Variants in IL1RAPL1 observed in about 807,000 individuals in gnomAD.
IL1RAPL1 encodes interleukin-1 receptor accessory protein-like 1.
Under a neutral mutation model 48.4 loss-of-function variants are expected in IL1RAPL1, and 3 were observed. That is an observed-to-expected ratio of 0.06 (90% CI 0.03 to 0.16). IL1RAPL1 has a LOEUF of 0.16. Among genes scored for constraint, IL1RAPL1 ranks in the 10% least tolerant of loss-of-function variants. IL1RAPL1 has a pLI of 1.00. For synonymous variants in IL1RAPL1, 185 were observed against 187.7 expected (o/e 0.99, Z 0.12); for missense variants, 349 against 530.6 (o/e 0.66, Z 3.36).
At chrX:28,605,995 T>A (rs1382548983) in intron 1 of IL1RAPL1, among the ~76,000 whole-genome samples, 1 of 111,077 alleles carries the variant, frequency 9.0e-6, no homozygotes, top group Non-Finnish European at 1.9e-5. Flanking sequence ...CCTCTAAAAT[T>A]TCAATACACT....
intron 2 of IL1RAPL1, among the ~76,000 whole-genome samples, chrX:28,972,802 G>A (rs1232340453): frequency 2.7e-5 from 3 of 111,008 alleles, no homozygotes; most frequent in East Asian, 2.8e-4. Context: ...TGCAGAGTTC[G>A]GGCATTTTCC....
intron 2 of IL1RAPL1, among the ~76,000 whole-genome samples, chrX:28,839,162 T>C (rs1327890384): frequency 9.0e-6 from 1 of 111,672 alleles, no homozygotes; most frequent in Non-Finnish European, 1.9e-5. Flanking sequence ...TTTAAAACGA[T>C]GAAACAGTGC....
intron 2 of IL1RAPL1, among the ~76,000 whole-genome samples, chrX:28,934,481 T>C (rs1288554079): frequency 9.0e-6 from 1 of 111,305 alleles, no homozygotes; most frequent in Non-Finnish European, 1.9e-5. Flanking sequence ...AATTTTACAA[T>C]ATTTTCATCA....
At chrX:29,575,288 A>C in intron 5 of IL1RAPL1, among the ~76,000 whole-genome samples, 1 of 111,942 alleles carries the variant, frequency 8.9e-6, no homozygotes. Context: ...CATGAACCCA[A>C]GTCAAAGTCC....
chrX:29,080,970 T>C (rs867621890), intron 2 of IL1RAPL1, among the ~76,000 whole-genome samples: 3 of 43,258 alleles, frequency 6.9e-5, no homozygotes, highest in East Asian at 1.0e-3. Context: ...CTTTCTTTCT[T>C]TCTTTCTTTC....
chrX:29,109,826 G>A (rs1321502079), intron 2 of IL1RAPL1, among the ~76,000 whole-genome samples: 1 of 111,842 alleles, frequency 8.9e-6, no homozygotes, highest in Non-Finnish European at 1.9e-5. Flanking sequence ...ACTGGCTTGG[G>A]GAAAACTGCA....
intron 3 of IL1RAPL1, among the ~76,000 whole-genome samples, chrX:29,342,035 C>T (rs1263915942): frequency 9.1e-6 from 1 of 109,907 alleles, no homozygotes; most frequent in Non-Finnish European, 1.9e-5. Context: ...TCTTGAACTC[C>T]TGACCTCGTG....
At chrX:29,618,479 A>G (rs935138730) in intron 5 of IL1RAPL1, among the ~76,000 whole-genome samples, 4 of 111,777 alleles carry the variant, frequency 3.6e-5, no homozygotes, top group African/African-American at 1.3e-4. Context: ...ACTGGTCTAA[A>G]ATCAGGTGTC....
chrX:28,895,808 G>A (rs998173325), intron 2 of IL1RAPL1, among the ~76,000 whole-genome samples: 9 of 111,688 alleles, frequency 8.1e-5, no homozygotes, highest in Admixed American at 4.7e-4. Context: ...CAGAGCGTCT[G>A]TGATGGTCCT....
In IL1RAPL1 at chrX:29,402,417, C is replaced by G. The variant is rs534106720; in HGVS notation, c.703+3109C>G. Among the ~76,000 whole-genome samples, 89 of 111,950 alleles carry G rather than the reference C, an allele frequency of 7.9e-4. 2 individuals carry two copies. The South Asian group carries it at 0.032, about 41-fold the overall frequency. On this transcript the variant is annotated intron_variant, in intron 5 of 10. Coordinates refer to ENST00000378993, the MANE Select transcript of IL1RAPL1 (RefSeq NM_014271.4). The stretch of plus-strand genomic sequence containing the variant: ...GCAGCACTTACCTCATTGCATCAAA[C>G]TATTTAATGACACTCCTGTATTTTC...
chrX:29,593,812 A>G (rs773549209), intron 5 of IL1RAPL1, among the ~76,000 whole-genome samples: 1 of 112,199 alleles, frequency 8.9e-6, no homozygotes, highest in African/African-American at 3.2e-5. Context: ...GAGATGCCCA[A>G]TGTATTCGCT....
In IL1RAPL1 at chrX:29,574,089, C is replaced by G. The variant is rs1184018684; in HGVS notation, c.704-94341C>G. On this transcript the variant is annotated intron_variant, in intron 5 of 10. Transcript: ENST00000378993. Reference sequence around the variant, plus strand: ...TTGTCTCATGGTTCCACAGACTGTACAGGAAACATGGCTGGGGAGGCCTCA... The same window carrying G: ...TTGTCTCATGGTTCCACAGACTGTAGAGGAAACATGGCTGGGGAGGCCTCA... Among the ~76,000 whole-genome samples, 3 of 109,949 alleles carry G rather than the reference C, an allele frequency of 2.7e-5. No individual in the cohort carries two copies. In the East Asian group the frequency reaches 8.7e-4, roughly 32 times the overall value.
At chrX:28,656,478 T>A (rs1450569647) in intron 1 of IL1RAPL1, among the ~76,000 whole-genome samples, 1 of 111,317 alleles carries the variant, frequency 9.0e-6, no homozygotes, top group Admixed American at 9.6e-5. Context: ...TGCCCTTCTC[T>A]GAATTCCAGT....
intron 6 of IL1RAPL1, among the ~76,000 whole-genome samples, chrX:29,735,019 C>G (rs1371002582): frequency 9.8e-6 from 1 of 102,228 alleles, no homozygotes; most frequent in Non-Finnish European, 2.0e-5. Flanking sequence ...ATTATAGTAA[C>G]TTACCACAAA....
chrX:29,921,995 A>C, intron 8 of IL1RAPL1, among the ~76,000 whole-genome samples: 1 of 111,773 alleles, frequency 8.9e-6, no homozygotes, highest in Non-Finnish European at 1.9e-5. Flanking sequence ...TAGTCCTCAA[A>C]AATGGAGTTA....
intron 1 of IL1RAPL1, among the ~76,000 whole-genome samples, chrX:28,621,215 T>A (rs1389845852): frequency 8.9e-6 from 1 of 112,422 alleles, no homozygotes; most frequent in East Asian, 2.8e-4. Flanking sequence ...TCGGACACTA[T>A]CTTTCTCCTT....
chrX:29,512,303 G>T (rs1199418181), intron 5 of IL1RAPL1, among the ~76,000 whole-genome samples: 2 of 109,619 alleles, frequency 1.8e-5, no homozygotes, highest in African/African-American at 6.6e-5. Context: ...TCCCAGGAAA[G>T]AAAAATAGGT....
At chrX:29,052,599 CACTCT>C (rs1352919602) in intron 2 of IL1RAPL1, among the ~76,000 whole-genome samples, 1 of 109,401 alleles carries the variant, frequency 9.1e-6, no homozygotes. Context: ...TGGTAACCAC[CACTCT>C]ACTCTTATCT....
chrX:29,261,848 C>T (rs1258708958), intron 2 of IL1RAPL1, among the ~76,000 whole-genome samples: 1 of 111,370 alleles, frequency 9.0e-6, no homozygotes, highest in Non-Finnish European at 1.9e-5. Context: ...GGCTATCCTT[C>T]GCTTGCATAA....
Sources: gnomAD v4.1 joint callset for allele counts (sites outside exome capture counted in the v4.1 genomes callset) on GRCh38, gnomAD v4.1.1 for gene constraint, MANE v1.5 for transcripts, NCBI Gene and HGNC (gene_info 2026-07-23, HGNC 2026-07-21) for gene names.